Variants in EGLN1 observed in about 807,000 individuals in gnomAD.
EGLN1 encodes the protein egl nine homolog 1.
In EGLN1, 17 loss-of-function variants were observed where a neutral mutation model predicts 38.3. The observed-to-expected ratio is 0.44, with a 90% CI of 0.30 to 0.67. The LOEUF (loss-of-function observed/expected upper bound fraction) is 0.67, where lower values mean the gene tolerates loss of function less well. EGLN1 is among the 30% of genes least tolerant of loss of function. The pLI, the probability that EGLN1 is intolerant of heterozygous loss-of-function variation, is 0.08. For synonymous variants in EGLN1, 283 were observed against 257.5 expected, an observed-to-expected ratio of 1.10 and a Z score of -0.95; for missense variants, 477 against 603.3, an observed-to-expected ratio of 0.79 and a Z score of 2.19.
chr1:231,408,876 A>G (rs981081994), intron 1 of EGLN1, among the ~76,000 whole-genome samples: 1 of 152,112 alleles, frequency 6.6e-6, no homozygotes, highest in Non-Finnish European at 1.5e-5. Context: ...GAAATGAGGA[A>G]ATGCACAGCA....
At chr1:231,380,391 GTCAAA>G (rs1688055052) in intron 1 of EGLN1, among the ~76,000 whole-genome samples, 1 of 151,482 alleles carries the variant, frequency 6.6e-6, no homozygotes, top group South Asian at 2.1e-4. Context: ...CAACTCAGTG[GTCAAA>G]AGCTGACTTA....
intron 1 of EGLN1, among the ~76,000 whole-genome samples, chr1:231,387,605 C>T (rs552453024): frequency 1.3e-5 from 2 of 152,086 alleles, no homozygotes; most frequent in African/African-American, 4.8e-5. Flanking sequence ...ATGATCTGCC[C>T]GCCTCGGCCT....
At chr1:231,404,779 T>C (rs1688746922) in intron 1 of EGLN1, among the ~76,000 whole-genome samples, 2 of 152,140 alleles carry the variant, frequency 1.3e-5, no homozygotes, top group East Asian at 1.9e-4. Context: ...ATAAATAAAA[T>C]ATTGCCACTT....
intron 1 of EGLN1, among the ~76,000 whole-genome samples, chr1:231,392,422 A>G (rs974979672): frequency 6.6e-6 from 1 of 152,254 alleles, no homozygotes; most frequent in African/African-American, 2.4e-5. Context: ...ACAATTATTT[A>G]TTAAGCATAC....
intron 1 of EGLN1, among the ~76,000 whole-genome samples, chr1:231,397,044 C>T (rs1395666109): frequency 2.0e-5 from 3 of 152,316 alleles, no homozygotes; most frequent in East Asian, 1.9e-4. Flanking sequence ...CTTCTCCAAA[C>T]TATTCTCCAC....
rs531134691 is a variant in EGLN1 at position 231,383,943 on chromosome 1, C to A, written c.892-9844G>T. Among the ~76,000 whole-genome samples the A allele has an allele frequency of 2.0e-5, 3 of 152,000 alleles. No homozygotes were observed. In the South Asian group the frequency reaches 6.2e-4, roughly 32 times the overall value. ...CACTTCATTGTAATTGGCAAAAAAT[C>A]AAAAATAAAGAGTTTTGAATAATAA... On this transcript the variant is annotated intron_variant, in intron 1 of 4. Transcript: ENST00000366641.
At chr1:231,375,370 A>G (rs986098873) in intron 1 of EGLN1, among the ~76,000 whole-genome samples, 9 of 152,232 alleles carry the variant, frequency 5.9e-5, no homozygotes, top group Non-Finnish European at 1.0e-4. Context: ...GTTATGAGCT[A>G]TTCTTGAAGT....
intron 1 of EGLN1, among the ~76,000 whole-genome samples, chr1:231,384,448 ATTAT>A: frequency 6.6e-6 from 1 of 152,250 alleles, no homozygotes; most frequent in South Asian, 2.1e-4. Flanking sequence ...CTAGAATGTA[ATTAT>A]TTATAGGGTG....
intron 1 of EGLN1, among the ~76,000 whole-genome samples, chr1:231,411,818 GAAACC>G (rs1688955691): frequency 6.6e-6 from 1 of 151,710 alleles, no homozygotes; most frequent in South Asian, 2.1e-4. Flanking sequence ...CCAACATAAT[GAAACC>G]CTGTCTCTAC....
intron 1 of EGLN1, among the ~76,000 whole-genome samples, chr1:231,417,239 T>A (rs1044255699): frequency 6.6e-6 from 1 of 152,030 alleles, no homozygotes; most frequent in African/African-American, 2.4e-5. Flanking sequence ...ACTACAGTAA[T>A]AGTGAAAAAT....
intron 1 of EGLN1, among the ~76,000 whole-genome samples, chr1:231,386,175 A>G (rs1270556237): frequency 6.6e-6 from 1 of 152,014 alleles, no homozygotes; most frequent in African/African-American, 2.4e-5. Context: ...AACACTTCTG[A>G]AAAGTTTTTT....
chr1:231,370,922 C>T (rs553254191), intron 2 of EGLN1, among the ~76,000 whole-genome samples: 29 of 152,280 alleles, frequency 1.9e-4, no homozygotes, highest in African/African-American at 6.5e-4. Flanking sequence ...GATGGAGTCT[C>T]GCTGTCACCC....
At chr1:231,419,869 T>G (rs1015271370) in intron 1 of EGLN1, among the ~76,000 whole-genome samples, 1 of 152,174 alleles carries the variant, frequency 6.6e-6, no homozygotes, top group Non-Finnish European at 1.5e-5. Context: ...GACACACACA[T>G]ACAGAAAAAC....
At position 231,421,756 on chromosome 1, in the gene EGLN1, C is replaced by G. The variant is rs1220545769; in HGVS notation, c.133G>C (p.Glu45Gln). The change falls in exon 1 of 5, where the codon GAG becomes CAG. Residue 45 changes from glutamate (E) to glutamine (Q), a missense_variant. By Grantham distance (29) the Glu-to-Gln change is conservative. Transcript: ENST00000366641. The surrounding 1 kb of genome is among the most constrained non-coding windows in gnomAD (Gnocchi z 5.5). ...RCRSSFYCCKEHQRQDWKKHK... is the reference protein window; with the variant it reads ...RCRSSFYCCKQHQRQDWKKHK... Reference sequence around the variant, plus strand: ...TTCTTCCAGTCCTGACGCTGGTGCTCCTTGCAGCAGTAGAAGGAGCTGCGG... The same window carrying G: ...TTCTTCCAGTCCTGACGCTGGTGCTGCTTGCAGCAGTAGAAGGAGCTGCGG... 1.3e-6 allele frequency: 2 copies of G among 1,553,276 alleles called. No individual in the cohort carries two copies. The highest frequency in any genetic ancestry group is 4.9e-5 in the East Asian group (2 of 40,934).
chr1:231,406,317 A>T (rs1343715150), intron 1 of EGLN1, among the ~76,000 whole-genome samples: 6 of 152,076 alleles, frequency 3.9e-5, no homozygotes. Context: ...AGCCAGTGTT[A>T]ATTATTAGTG....
chr1:231,406,048 T>TG (rs1418706306), intron 1 of EGLN1, among the ~76,000 whole-genome samples: 97 of 137,660 alleles, frequency 7.0e-4, no homozygotes, highest in African/African-American at 2.6e-3. Flanking sequence ...TTTTTTTTTT[T>TG]AATTCAGGTA....
In EGLN1 at chr1:231,367,780, T is replaced by C. The variant is rs561623234; in HGVS notation, c.1149-144A>G. On this transcript the variant is annotated intron_variant, in intron 3 of 4. Transcript: ENST00000366641. ...CAAAGGATAAATTTAACAGCTTATTTATACAGTAACCAGGGGAGACTAAAA... is the reference window on the plus strand; with the variant it reads ...CAAAGGATAAATTTAACAGCTTATTCATACAGTAACCAGGGGAGACTAAAA... 12 of 735,790 alleles carry C rather than the reference T, an allele frequency of 1.6e-5. No homozygotes were observed. The East Asian group carries it at 2.7e-4, about 16-fold the overall frequency. The allele number at this position is 735,790 out of a possible 1,614,324, so 45.6% of individuals were successfully genotyped here.
At chr1:231,369,979 G>A (rs987707964) in intron 3 of EGLN1, among the ~76,000 whole-genome samples, 11 of 152,090 alleles carry the variant, frequency 7.2e-5, no homozygotes, top group African/African-American at 2.7e-4. Context: ...AATATAATAG[G>A]TTGCAAATAC....
intron 1 of EGLN1, among the ~76,000 whole-genome samples, chr1:231,400,623 G>A (rs1688643170): frequency 6.6e-6 from 1 of 152,152 alleles, no homozygotes; most frequent in Non-Finnish European, 1.5e-5. Context: ...GTTCCTTTGA[G>A]TGAATGGCTG....
Sources: allele counts gnomAD v4.1 joint callset (sites outside exome capture counted in the v4.1 genomes callset), GRCh38; gene constraint gnomAD v4.1.1; non-coding constraint Gnocchi (gnomAD v3.1); transcripts MANE v1.5; gene names NCBI Gene and HGNC (gene_info 2026-07-23, HGNC 2026-07-21).